CPSF6: variants seen among roughly 807,000 people sequenced by gnomAD.
The protein encoded by CPSF6 is cleavage and polyadenylation specific factor 6, also known as cleavage and polyadenylation specificity factor subunit 6.
Under a neutral mutation model 56.7 loss-of-function variants are expected in CPSF6, and 10 were observed. The observed-to-expected ratio is 0.18, with a 90% confidence interval of 0.11 to 0.30. The LOEUF is 0.30. Among genes scored for constraint, CPSF6 ranks in the 10% least tolerant of loss-of-function variants. The probability of loss-of-function intolerance (pLI) is 1.00; values close to 1 mark genes in which losing one functional copy is unlikely to be tolerated. For synonymous variants in CPSF6, 248 were observed against 244.8 expected (o/e 1.01, Z -0.12); for missense variants, 419 against 722.9 (o/e 0.58, Z 4.82).
chr12:69,257,393 T>C (rs1872555254), intron 4 of CPSF6, among the ~76,000 whole-genome samples: 3 of 152,232 alleles, frequency 2.0e-5, no homozygotes, highest in African/African-American at 7.2e-5. Context: ...CACTTAAGAC[T>C]TAACTGAAGA....
At chr12:69,244,322 G>C (rs1871777886) in intron 1 of CPSF6, among the ~76,000 whole-genome samples, 1 of 151,974 alleles carries the variant, frequency 6.6e-6, no homozygotes, top group Admixed American at 6.6e-5. Flanking sequence ...CGCAACCTCT[G>C]CCTCCTGGGT....
intron 1 of CPSF6, among the ~76,000 whole-genome samples, chr12:69,244,138 T>C (rs1395143581): frequency 6.6e-6 from 1 of 152,158 alleles, no homozygotes; most frequent in Non-Finnish European, 1.5e-5. Flanking sequence ...CTTTATAAAT[T>C]TGGACTCTTC....
At chr12:69,259,910 A>C (rs1872673813) in intron 7 of CPSF6, 134 bp from the exon 8 acceptor site, 4 of 867,388 alleles carry the variant, frequency 4.6e-6, no homozygotes, top group Non-Finnish European at 7.0e-6. Flanking sequence ...ACACTGAAAG[A>C]AGACATTGTC....
At position 69,241,502 on chromosome 12, in the gene CPSF6, A is replaced by G. The variant is rs531763811; in HGVS notation, c.60+1796A>G. ...TCACCTTTCTATGCACAATAAAAGA[A>G]GAATTGGGTCTCAATTTTAGAAGTT... On this transcript the variant is annotated intron_variant, in intron 1 of 9. Transcript: ENST00000435070. Among the ~76,000 whole-genome samples the G allele has an allele frequency of 2.0e-5, 3 of 152,376 alleles. No homozygotes were observed. In the East Asian group the frequency reaches 5.8e-4, roughly 29 times the overall value.
At position 69,268,673 on chromosome 12, in the gene CPSF6, T is replaced by C. The variant is rs181531753; in HGVS notation, c.*4-839T>C. Among the ~76,000 whole-genome samples, 13 of 151,952 alleles carry C rather than the reference T, an allele frequency of 8.6e-5. No individual in the cohort carries two copies. In the East Asian group the frequency reaches 9.6e-4, roughly 11 times the overall value. ...TACCGACTGTTTCAGTGGTTACTTA[T>C]ATCCAAGTTAATTGAATGTTTCTTG... On this transcript the variant is annotated intron_variant, in intron 9 of 9. Transcript: ENST00000435070.
chr12:69,249,503 C>T (rs1444247098), intron 1 of CPSF6, among the ~76,000 whole-genome samples: 1 of 151,970 alleles, frequency 6.6e-6, no homozygotes, highest in African/African-American at 2.4e-5. Flanking sequence ...TTGTATAATT[C>T]TTTAGTAAAT....
At chr12:69,254,460 T>C (rs973207199) in intron 3 of CPSF6, among the ~76,000 whole-genome samples, 2 of 152,236 alleles carry the variant, frequency 1.3e-5, no homozygotes, top group Non-Finnish European at 2.9e-5. Flanking sequence ...TTAAGAGTTT[T>C]CTTCCATGAC....
chr12:69,251,473 G>A, intron 2 of CPSF6, 135 bp downstream of exon 2: 1 of 553,792 alleles, frequency 1.8e-6, no homozygotes, highest in Non-Finnish European at 3.1e-6. Flanking sequence ...GTCCAATGAG[G>A]AGGGAAATAC....
chr12:69,259,673 G>A, intron 7 of CPSF6, 130 bp downstream of exon 7: 1 of 830,382 alleles, frequency 1.2e-6, no homozygotes, highest in Non-Finnish European at 1.8e-6. Flanking sequence ...CATTACCTAC[G>A]ATTTATTTAA....
intron 8 of CPSF6, among the ~76,000 whole-genome samples, chr12:69,260,828 G>T (rs534175840): frequency 6.6e-6 from 1 of 152,152 alleles, no homozygotes; most frequent in South Asian, 2.1e-4. Flanking sequence ...ACCCAGGCTG[G>T]TCCTGAACTC....
intron 9 of CPSF6, among the ~76,000 whole-genome samples, chr12:69,265,895 C>T (rs1375611113): frequency 4.0e-5 from 6 of 151,726 alleles, no homozygotes; most frequent in East Asian, 1.9e-4. Context: ...CGTGAGCCAC[C>T]GCGCCCAGTC....
At chr12:69,240,006 C>T (rs1592787712) in intron 1 of CPSF6, among the ~76,000 whole-genome samples, 1 of 151,346 alleles carries the variant, frequency 6.6e-6, no homozygotes, top group Non-Finnish European at 1.5e-5. Context: ...TGGCGGCACC[C>T]GGCTGGCGCT....
At chr12:69,266,630 A>G (rs996167239) in intron 9 of CPSF6, among the ~76,000 whole-genome samples, 2 of 152,160 alleles carry the variant, frequency 1.3e-5, no homozygotes, top group East Asian at 3.8e-4. Context: ...CTAATAACCA[A>G]AAAGGGGTAA....
intron 1 of CPSF6, among the ~76,000 whole-genome samples, chr12:69,245,235 A>G (rs528685157): frequency 1.3e-5 from 2 of 152,300 alleles, no homozygotes; most frequent in South Asian, 4.1e-4. Flanking sequence ...CTGAGAGCAC[A>G]GTAGGTTTGT....
chr12:69,248,049 G>A (rs1484181297), intron 1 of CPSF6, among the ~76,000 whole-genome samples: 1 of 152,146 alleles, frequency 6.6e-6, no homozygotes, highest in Non-Finnish European at 1.5e-5. Flanking sequence ...CAGACAAAAT[G>A]GCTGATCCTA....
At chr12:69,259,181 G>A (rs2120574217) in intron 6 of CPSF6, 87 bp downstream of exon 6, 8 of 1,410,252 alleles carry the variant, frequency 5.7e-6, no homozygotes, top group Non-Finnish European at 7.6e-6. Flanking sequence ...ATATAAATAT[G>A]TTATTTCTGC....
intron 1 of CPSF6, among the ~76,000 whole-genome samples, chr12:69,248,607 T>TA (rs1872038813): frequency 6.6e-6 from 1 of 152,246 alleles, no homozygotes; most frequent in South Asian, 2.1e-4. Context: ...TTGAGCATGT[T>TA]ACTTTGTTTA....
Position 69,261,765 on chromosome 12 carries a change from A to T in CPSF6, c.1470-608A>T, listed in dbSNP as rs564883750. Among the ~76,000 whole-genome samples the T allele has an allele frequency of 1.4e-4, 22 of 152,300 alleles. No individual in the cohort carries two copies. In the East Asian group the frequency reaches 3.5e-3, roughly 24 times the overall value. On this transcript the variant is annotated intron_variant, in intron 8 of 9. Coordinates refer to ENST00000435070, the MANE Select transcript of CPSF6 (RefSeq NM_007007.3). Reference sequence around the variant, plus strand: ...AGCTTTGGTTAAATTATTTGTTTTTAAAAAATCGCAGTTCATGAAACATTT... The same window carrying T: ...AGCTTTGGTTAAATTATTTGTTTTTTAAAAATCGCAGTTCATGAAACATTT...
chr12:69,256,134 A>G (rs143200688), intron 3 of CPSF6, among the ~76,000 whole-genome samples: 2,018 of 152,308 alleles, frequency 0.013, 25 homozygotes, highest in Middle Eastern at 0.031. Flanking sequence ...GGGACCTCCT[A>G]TTGTATGATT....
Sources: gnomAD v4.1 joint callset for allele counts (sites outside exome capture counted in the v4.1 genomes callset) on GRCh38, gnomAD v4.1.1 for gene constraint, MANE v1.5 for transcripts, NCBI Gene and HGNC (gene_info 2026-07-23, HGNC 2026-07-21) for gene names.